EPB41L1: variants seen among roughly 807,000 people sequenced by gnomAD.
EPB41L1 encodes the protein erythrocyte membrane protein band 4.1 like 1, also known as band 4.1-like protein 1.
Under a neutral mutation model 97.8 loss-of-function variants are expected in EPB41L1, and 29 were observed. The observed-to-expected ratio is 0.30, with a 90% CI of 0.22 to 0.40. The LOEUF is 0.40. Ranked by LOEUF, EPB41L1 falls within the 10% of genes least tolerant of loss-of-function variation. The probability of loss-of-function intolerance (pLI) is 1.00; values close to 1 mark genes in which losing one functional copy is unlikely to be tolerated. For synonymous variants in EPB41L1, 383 were observed against 459.2 expected (o/e 0.83, Z 2.12); for missense variants, 812 against 1,162.3 (o/e 0.70, Z 4.38).
intron 1 of EPB41L1, among the ~76,000 whole-genome samples, chr20:36,168,710 C>G (rs1275299251): frequency 6.6e-6 from 1 of 151,714 alleles, no homozygotes; most frequent in African/African-American, 2.4e-5. Flanking sequence ...CGTGCCACCA[C>G]GCCCAGCTAA....
intron 21 of EPB41L1, among the ~76,000 whole-genome samples, chr20:36,223,443 T>C (rs1221896829): frequency 6.6e-6 from 1 of 152,154 alleles, no homozygotes; most frequent in Admixed American, 6.5e-5. Context: ...AGAAATAAGA[T>C]GATGTTGGGG....
rs765872189 is a variant in EPB41L1, at chr20:36,194,304, C to T, written c.1393C>T (p.Arg465Trp). 17 of 1,613,972 alleles carry T rather than the reference C, an allele frequency of 1.1e-5. No individual in the cohort carries two copies. The highest frequency in any genetic ancestry group is 1.0e-4 in the Admixed American group (6 of 59,982). ...RDEDGESGGQ[R>W]SEAEEGEVRT... Reference sequence around the variant, plus strand: ...TGAGGATGGCGAGTCTGGGGGGCAACGGTCAGAGGCTGAGGAGGGAGAGGT... The same window carrying T: ...TGAGGATGGCGAGTCTGGGGGGCAATGGTCAGAGGCTGAGGAGGGAGAGGT... Residue 465 changes from arginine to tryptophan, a missense_variant, in exon 12 of 22, where the codon CGG (arginine) becomes TGG (tryptophan). Arg to Trp is a moderately radical substitution (Grantham distance 101). Coordinates refer to ENST00000338074, the MANE Select transcript of EPB41L1 (RefSeq NM_012156.2).
rs35492694 is a variant in EPB41L1, at chr20:36,202,810, CAAAA to C, written c.1668+4786_1668+4789del. Reference sequence around the variant, plus strand: ...TGGAAGACAGAGCAAAACTCCGTCTCAAAAAAAAAAAAAAAAAAAAGGCAGGCCC... The same window carrying C: ...TGGAAGACAGAGCAAAACTCCGTCTCAAAAAAAAAAAAAAAAGGCAGGCCC... On this transcript the variant is annotated intron_variant, in intron 14 of 21. Transcript: ENST00000338074. 2.2e-4 allele frequency among the ~76,000 whole-genome samples: 10 copies of C among 45,834 alleles called. No individual in the cohort carries two copies. In the East Asian group the frequency reaches 6.2e-3, roughly 29 times the overall value. The allele number at this position is 45,834 out of a possible 152,430, so 30.1% of individuals were successfully genotyped here. A position where few individuals can be genotyped will look rare whatever the true frequency, so the allele number is the denominator to read the frequency against.
In EPB41L1 at chr20:36,200,929, C is replaced by T. The variant is rs192173438; in HGVS notation, c.1668+2888C>T. 6.1e-5 allele frequency: 28 copies of T among 456,758 alleles called. No individual in the cohort carries two copies. In the East Asian group the frequency reaches 1.5e-3, roughly 24 times the overall value. The allele number at this position is 456,758 out of a possible 1,614,324, so 28.3% of individuals were successfully genotyped here. A position where few individuals can be genotyped will look rare whatever the true frequency, so the allele number is the denominator to read the frequency against. ...ACTTGGTACCTGAGCCTGGAGCAGCCGCAGGCTTGGAAGTGTTCACTCAGA... is the reference window on the plus strand; with the variant it reads ...ACTTGGTACCTGAGCCTGGAGCAGCTGCAGGCTTGGAAGTGTTCACTCAGA... On this transcript the variant is annotated intron_variant, in intron 14 of 21. Transcript: ENST00000338074.
chr20:36,135,646 A>G (rs774816047), intron 2 of EPB41L1, among the ~76,000 whole-genome samples: 2 of 152,118 alleles, frequency 1.3e-5, no homozygotes, highest in Non-Finnish European at 2.9e-5. Context: ...CCCTCTACAT[A>G]TCTGAGGCTC....
intron 14 of EPB41L1, among the ~76,000 whole-genome samples, chr20:36,201,299 T>C (rs1275345437): frequency 6.6e-6 from 1 of 152,182 alleles, no homozygotes; most frequent in Non-Finnish European, 1.5e-5. Flanking sequence ...CAGGTCCTGG[T>C]GAGGCAGGTG....
At chr20:36,165,225 G>T (rs2145729394) in intron 1 of EPB41L1, among the ~76,000 whole-genome samples, 1 of 149,986 alleles carries the variant, frequency 6.7e-6, no homozygotes, top group East Asian at 2.1e-4. Flanking sequence ...CAAGTGATTT[G>T]CCTGCCTCGG....
intron 1 of EPB41L1, among the ~76,000 whole-genome samples, chr20:36,162,099 G>A (rs2060555367): frequency 6.6e-6 from 1 of 152,184 alleles, no homozygotes; most frequent in Admixed American, 6.5e-5. Context: ...CCTTGGAGGT[G>A]CAGGGGATAG....
rs773927205 is a variant in EPB41L1 at position 36,195,296 on chromosome 20, C to A, written c.1450-33C>A. On this transcript the variant is annotated intron_variant, in intron 12 of 21. Coordinates refer to ENST00000338074, the MANE Select transcript of EPB41L1 (RefSeq NM_012156.2). This position sits in a 1 kb window ranked among gnomAD's most constrained non-coding sequence, Gnocchi z 4.6. Reference sequence around the variant, plus strand: ...TAATCCATCTGCTCTACTGACCCTGCTGCTTTCTTTCCCTCCTACCACATC... The same window carrying A: ...TAATCCATCTGCTCTACTGACCCTGATGCTTTCTTTCCCTCCTACCACATC... 17 of 1,613,850 alleles carry A rather than the reference C, an allele frequency of 1.1e-5. No homozygotes were observed. The highest frequency in any genetic ancestry group is 1.4e-5 in the Non-Finnish European group (17 of 1,179,910).
chr20:36,197,111 A>C (rs1021871286), intron 13 of EPB41L1, among the ~76,000 whole-genome samples: 2 of 152,252 alleles, frequency 1.3e-5, no homozygotes, highest in Admixed American at 6.5e-5. Flanking sequence ...TTGGTGAGTC[A>C]GTACCTGAAA....
chr20:36,098,620 A>G (rs1034092693), intron 1 of EPB41L1, among the ~76,000 whole-genome samples: 4 of 152,196 alleles, frequency 2.6e-5, no homozygotes, highest in Non-Finnish European at 4.4e-5. Flanking sequence ...CTAGTCCAGT[A>G]TGACCTCATT....
chr20:36,142,528 T>G (rs989330782), intron 2 of EPB41L1, among the ~76,000 whole-genome samples: 2 of 152,246 alleles, frequency 1.3e-5, no homozygotes, highest in Non-Finnish European at 2.9e-5. Context: ...AGTTGATAGC[T>G]GCATTGACAC....
chr20:36,096,187 A>G (rs1216799779), intron 1 of EPB41L1, among the ~76,000 whole-genome samples: 1 of 152,150 alleles, frequency 6.6e-6, no homozygotes, highest in Non-Finnish European at 1.5e-5. Flanking sequence ...GCCAGGAAAC[A>G]TCTATTAATT....
Position 36,117,230 on chromosome 20 carries a change from T to C in EPB41L1, c.-10+4750T>C, listed in dbSNP as rs575127204. ...ATGGTAGCAGATCATTCGTCCTGGA[T>C]TGCTGCCTGCCTGAGAGCTGGAGGG... On this transcript the variant is annotated intron_variant, in intron 2 of 19. Transcript: ENST00000202028. Among the ~76,000 whole-genome samples the C allele has an allele frequency of 9.2e-5, 14 of 152,256 alleles. No homozygotes were observed. In the South Asian group the frequency reaches 2.9e-3, roughly 32 times the overall value.
At chr20:36,149,799 A>T (rs953724763), upstream of EPB41L1, 11 of 152,460 alleles carry the variant, frequency 7.2e-5, no homozygotes, top group African/African-American at 2.7e-4. Flanking sequence ...TTGTCCTGGA[A>T]CACCCTCCTC....
intron 2 of EPB41L1, chr20:36,125,567 A>G (rs1569068726): frequency 5.9e-6 from 9 of 1,534,170 alleles, no homozygotes; most frequent in Non-Finnish European, 7.9e-6. Context: ...GGGATTCAGA[A>G]AGGTAGATTG....
At chr20:36,198,190 C>A in intron 14 of EPB41L1, 149 bp downstream of exon 14, 1 of 747,516 alleles carries the variant, frequency 1.3e-6, no homozygotes, top group Non-Finnish European at 2.2e-6. Flanking sequence ...GTAGATTAGG[C>A]TGAGGGAGAT....
intron 2 of EPB41L1, among the ~76,000 whole-genome samples, chr20:36,126,701 G>T (rs907273401): frequency 6.6e-6 from 1 of 152,188 alleles, no homozygotes; most frequent in African/African-American, 2.4e-5. Context: ...CACGGCTCTG[G>T]ACCAAGACTA....
At chr20:36,187,801 G>C (rs1349596841) in intron 8 of EPB41L1, 38 bp downstream of exon 8, 2 of 1,587,814 alleles carry the variant, frequency 1.3e-6, no homozygotes, top group Non-Finnish European at 1.7e-6. Flanking sequence ...GTGTCTGGGT[G>C]GTGCCCCCAA....
Sources: gnomAD v4.1 joint callset for allele counts (sites outside exome capture counted in the v4.1 genomes callset) on GRCh38, gnomAD v4.1.1 for gene constraint, Gnocchi (gnomAD v3.1) non-coding constraint, MANE v1.5 for transcripts, NCBI Gene and HGNC (gene_info 2026-07-23, HGNC 2026-07-21) for gene names.